The following NINJ2 variants were observed in gnomAD, a reference collection of about 807,000 sequenced individuals.
The protein encoded by NINJ2 is ninjurin 2.
A neutral mutation model predicts 11.7 loss-of-function variants in NINJ2; 12 were observed. The ratio of observed to expected loss-of-function variants is 1.02; its 90% CI spans 0.66 to 1.66. The LOEUF is 1.66. Ranked by LOEUF, NINJ2 falls within the 40% of genes most tolerant of loss-of-function variation. The probability of loss-of-function intolerance (pLI) is 0.00; values close to 1 mark genes in which losing one functional copy is unlikely to be tolerated. For missense variants in NINJ2, 187 were observed against 181.8 expected (o/e 1.03, Z -0.16); for synonymous variants, 93 against 76.8 (o/e 1.21, Z -1.10).
intron 1 of NINJ2, among the ~76,000 whole-genome samples, chr12:659,901 A>T (rs917207668): frequency 1.3e-5 from 2 of 152,310 alleles, no homozygotes; most frequent in Non-Finnish European, 2.9e-5. Context: ...TTACTAAGAC[A>T]TTGAGGGTAT....
chr12:575,520 G>A (rs759561970), intron 1 of NINJ2, among the ~76,000 whole-genome samples: 3 of 152,030 alleles, frequency 2.0e-5, no homozygotes, highest in Non-Finnish European at 4.4e-5. Flanking sequence ...GTCCCCAAAT[G>A]CACTCCACCA....
At chr12:650,879 A>G (rs910638532) in intron 1 of NINJ2, among the ~76,000 whole-genome samples, 2 of 152,212 alleles carry the variant, frequency 1.3e-5, no homozygotes, top group African/African-American at 2.4e-5. Context: ...TTGGATCCAA[A>G]AGAGTGGGAA....
At chr12:611,221 CTT>C (rs1555165015) in intron 1 of NINJ2, among the ~76,000 whole-genome samples, 13 of 129,866 alleles carry the variant, frequency 1.0e-4, no homozygotes, top group Middle Eastern at 4.2e-3. Context: ...CTCTTTCTTT[CTT>C]TCTTTTTCTT....
rs574942509 is a variant in NINJ2, at chr12:636,174, C to T, written c.33+27154G>A. 6.9e-4 allele frequency among the ~76,000 whole-genome samples: 105 copies of T among 151,560 alleles called. 1 individual carries two copies. Among genetic ancestry groups the T allele is most frequent in the African/African-American group, 2.5e-3 (103 of 41,282 alleles). On this transcript the variant is annotated intron_variant, in intron 1 of 3. Coordinates refer to ENST00000305108, the MANE Select transcript of NINJ2 (RefSeq NM_016533.6). ...GGTGGATTACCTTAGGTCGGGAGTT[C>T]GAGGCCAGCCTGACCAACATGGAGA...
At chr12:617,315 G>A (rs1948104601) in intron 1 of NINJ2, among the ~76,000 whole-genome samples, 1 of 152,196 alleles carries the variant, frequency 6.6e-6, no homozygotes, top group African/African-American at 2.4e-5. Flanking sequence ...GAAAGACACT[G>A]GGGGAAGAGC....
intron 1 of NINJ2, among the ~76,000 whole-genome samples, chr12:622,409 CAAAA>C (rs1169331783): frequency 8.4e-5 from 4 of 47,430 alleles, no homozygotes; most frequent in Middle Eastern, 0.02. Flanking sequence ...GACTCCGTCT[CAAAA>C]AAAAAAAAAA....
rs1948065388 is a variant in NINJ2, at chr12:614,123, C to T, written c.34-47945G>A. ...GTCCATAGCACGTGGCTAGTAAGAA[C>T]AGTCTCTTACACGATGTCCTACTGC... On this transcript the variant is annotated intron_variant, in intron 1 of 3. Transcript: ENST00000305108. The surrounding 1 kb of genome is among the most constrained non-coding windows in gnomAD (Gnocchi z 5.1). Among the ~76,000 whole-genome samples, 1 of 152,004 alleles carries T rather than the reference C, an allele frequency of 6.6e-6. No homozygotes were observed. Among genetic ancestry groups the T allele is most frequent in the African/African-American group, 2.4e-5 (1 of 41,382 alleles).
intron 1 of NINJ2, among the ~76,000 whole-genome samples, chr12:586,791 C>T (rs753280158): frequency 2.7e-4 from 41 of 152,350 alleles, no homozygotes; most frequent in Admixed American, 7.2e-4. Context: ...TTTCTGTGCC[C>T]TCTGACTGGA....
intron 1 of NINJ2, among the ~76,000 whole-genome samples, chr12:607,073 T>C (rs1947950427): frequency 6.6e-6 from 1 of 152,180 alleles, no homozygotes; most frequent in Non-Finnish European, 1.5e-5. Flanking sequence ...ATTTAACTAG[T>C]TCACATTGCA....
At chr12:609,544 T>C (rs975802243) in intron 1 of NINJ2, among the ~76,000 whole-genome samples, 3 of 151,416 alleles carry the variant, frequency 2.0e-5, no homozygotes, top group African/African-American at 4.9e-5. Context: ...CTGAGGCGGG[T>C]GGATCACGAG....
At chr12:606,780 G>C (rs1397639949) in intron 1 of NINJ2, among the ~76,000 whole-genome samples, 4 of 152,226 alleles carry the variant, frequency 2.6e-5, no homozygotes, top group Non-Finnish European at 5.9e-5. Context: ...TGGAAGGTGT[G>C]CGCCACCAAA....
chr12:569,974 G>A (rs1391120514), intron 1 of NINJ2, among the ~76,000 whole-genome samples: 5 of 148,754 alleles, frequency 3.4e-5, no homozygotes, highest in Non-Finnish European at 7.6e-5. Flanking sequence ...CGCGGCTGCC[G>A]GGGGGCGTTT....
In NINJ2 at chr12:653,522, C is replaced by T. The variant is rs569147071; in HGVS notation, c.33+9806G>A. ...GTTTTGTTATCATAAGGTACTCACA[C>T]GATCCATGAAATGGTATAGTGTTAT... On this transcript the variant is annotated intron_variant, in intron 1 of 3. Coordinates refer to ENST00000305108, the MANE Select transcript of NINJ2 (RefSeq NM_016533.6). 9.2e-5 allele frequency among the ~76,000 whole-genome samples: 14 copies of T among 151,956 alleles called. No homozygotes were observed. In the East Asian group the frequency reaches 1.2e-3, roughly 13 times the overall value.
At chr12:659,777 T>C (rs1937931531) in intron 1 of NINJ2, among the ~76,000 whole-genome samples, 2 of 152,342 alleles carry the variant, frequency 1.3e-5, no homozygotes, top group African/African-American at 4.8e-5. Flanking sequence ...CAAACTTCAG[T>C]TGTGCCATGT....
At chr12:569,286 G>A (rs767961521) in intron 1 of NINJ2, among the ~76,000 whole-genome samples, 64 of 152,350 alleles carry the variant, frequency 4.2e-4, no homozygotes, top group Admixed American at 7.8e-4. Flanking sequence ...GCCCATGGTC[G>A]CCGTCAGCCC....
intron 1 of NINJ2, among the ~76,000 whole-genome samples, chr12:636,633 C>T (rs966499137): frequency 4.0e-5 from 6 of 151,878 alleles, no homozygotes; most frequent in African/African-American, 1.5e-4. Flanking sequence ...AAAAAAGGCT[C>T]AATGTCACCA....
intron 1 of NINJ2, among the ~76,000 whole-genome samples, chr12:647,309 G>C (rs1042852291): frequency 3.3e-5 from 5 of 152,186 alleles, no homozygotes; most frequent in Non-Finnish European, 5.9e-5. Flanking sequence ...TCTAGTGGGG[G>C]TGGGCCTGTC....
At position 632,243 on chromosome 12, in the gene NINJ2, C is replaced by T. The variant is rs185725726; in HGVS notation, c.33+31085G>A. On this transcript the variant is annotated intron_variant, in intron 1 of 3. Coordinates refer to ENST00000305108, the MANE Select transcript of NINJ2 (RefSeq NM_016533.6). ...AACCAGCCCCAGGGTGTCTGAGGCA[C>T]GCTGGTAAGTAGAATCAGAGATTCC... 9.3e-4 allele frequency: 141 copies of T among 152,286 alleles called. 1 individual carries two copies. Among genetic ancestry groups the T allele is most frequent in the African/African-American group, 3.3e-3 (137 of 41,554 alleles). 9.4% of individuals were successfully genotyped at this position (152,286 alleles called of 1,614,324 possible). A position where few individuals can be genotyped will look rare whatever the true frequency, so the allele number is the denominator to read the frequency against.
chr12:606,645 T>A (rs956960490), intron 1 of NINJ2, among the ~76,000 whole-genome samples: 2 of 152,184 alleles, frequency 1.3e-5, no homozygotes, highest in Admixed American at 1.3e-4. Flanking sequence ...TGGCACTCGA[T>A]GTCACAGCAG....
Sources: gnomAD v4.1 joint callset for allele counts (sites outside exome capture counted in the v4.1 genomes callset) on GRCh38, gnomAD v4.1.1 for gene constraint, Gnocchi (gnomAD v3.1) non-coding constraint, MANE v1.5 for transcripts, NCBI Gene and HGNC (gene_info 2026-07-23, HGNC 2026-07-21) for gene names.